H2BC18: variants seen among roughly 807,000 people sequenced by gnomAD.
The protein encoded by H2BC18 is histone H2B type 2-F.
H2BC18 carries 8 observed loss-of-function variants against 6.3 expected under a neutral mutation model. The observed-to-expected ratio is 1.28, with a 90% CI of 0.75 to 2.31. The LOEUF (loss-of-function observed/expected upper bound fraction) is 2.31, where lower values mean the gene tolerates loss of function less well. H2BC18 is among the 30% of genes most tolerant of loss of function. H2BC18 has a pLI of 0.00. For synonymous variants in H2BC18, 104 were observed against 78.1 expected (o/e 1.33, Z -1.75); for missense variants, 106 against 174.5 (o/e 0.61, Z 2.21).
At chr1:149,806,638 G>A (rs2091920119) in intron 1 of H2BC18, among the ~76,000 whole-genome samples, 1 of 152,060 alleles carries the variant, frequency 6.6e-6, no homozygotes, top group Non-Finnish European at 1.5e-5. Context: ...AAGAAGTGAG[G>A]AAAGAAAAGG....
intron 1 of H2BC18, among the ~76,000 whole-genome samples, chr1:149,797,850 C>T (rs1161923309): frequency 6.6e-6 from 1 of 152,112 alleles, no homozygotes; most frequent in Non-Finnish European, 1.5e-5. Context: ...GAGGCCAAGG[C>T]GATCTGCCTA....
intron 1 of H2BC18, chr1:149,787,542 G>C (rs1271380067): frequency 6.6e-6 from 1 of 152,344 alleles, no homozygotes; most frequent in African/African-American, 2.4e-5. Flanking sequence ...CTTAGGATGC[G>C]TGGTCCTATT....
chr1:149,806,699 G>T (rs2091920749), intron 1 of H2BC18, among the ~76,000 whole-genome samples: 1 of 152,238 alleles, frequency 6.6e-6, no homozygotes, highest in Non-Finnish European at 1.5e-5. Context: ...CTCAATGACA[G>T]TTGGTAAAGT....
chr1:149,811,800 G>A, downstream of H2BC18: 3 of 703,730 alleles, frequency 4.3e-6, no homozygotes, highest in East Asian at 2.7e-5. Context: ...GAATGCATCC[G>A]TGACCATGGT....
chr1:149,786,567 T>C (rs2091555886), intron 1 of H2BC18: 2 of 152,290 alleles, frequency 1.3e-5, no homozygotes, highest in East Asian at 1.9e-4. Flanking sequence ...ATTTAATCAG[T>C]ATATGCTAAG....
intron 1 of H2BC18, among the ~76,000 whole-genome samples, chr1:149,802,047 C>T (rs1160099405): frequency 6.6e-6 from 1 of 152,096 alleles, no homozygotes; most frequent in Non-Finnish European, 1.5e-5. Flanking sequence ...TCAAGTTTTA[C>T]TTGGTTAACT....
Sources: allele counts gnomAD v4.1 joint callset (sites outside exome capture counted in the v4.1 genomes callset), GRCh38; gene constraint gnomAD v4.1.1; transcripts MANE v1.5; gene names NCBI Gene and HGNC (gene_info 2026-07-23, HGNC 2026-07-21).